Variants in XPR1 observed in about 807,000 individuals in gnomAD.
XPR1 encodes the protein xenotropic and polytropic retrovirus receptor 1, also known as solute carrier family 53 member 1.
A neutral mutation model predicts 87.5 loss-of-function variants in XPR1; 28 were observed. The ratio of observed to expected loss-of-function variants is 0.32; its 90% CI spans 0.24 to 0.44. The LOEUF (loss-of-function observed/expected upper bound fraction) is 0.44. XPR1 is among the 20% of genes least tolerant of loss of function. The probability of loss-of-function intolerance (pLI) is 1.00; values close to 1 mark genes in which losing one functional copy is unlikely to be tolerated. For synonymous variants in XPR1, 300 were observed against 306.1 expected (o/e 0.98, Z 0.21); for missense variants, 559 against 862.3 (o/e 0.65, Z 4.41).
At chr1:180,790,514 A>G (rs1288012131) in intron 3 of XPR1, among the ~76,000 whole-genome samples, 1 of 152,202 alleles carries the variant, frequency 6.6e-6, no homozygotes, top group Non-Finnish European at 1.5e-5. Flanking sequence ...ACCAGGATAC[A>G]GGCACCTAGA....
At chr1:180,734,749 G>T (rs1658671300) in intron 2 of XPR1, among the ~76,000 whole-genome samples, 1 of 152,176 alleles carries the variant, frequency 6.6e-6, no homozygotes, top group Non-Finnish European at 1.5e-5. Context: ...AAAGACTTTA[G>T]TAGGAAGAAC....
At chr1:180,734,134 G>GAATTTA (rs1401094971) in intron 2 of XPR1, among the ~76,000 whole-genome samples, 1 of 152,156 alleles carries the variant, frequency 6.6e-6, no homozygotes, top group African/African-American at 2.4e-5. Context: ...TATACTTACA[G>GAATTTA]GTTACTGAAT....
At chr1:180,723,077 ATCT>A (rs1658226102) in intron 2 of XPR1, among the ~76,000 whole-genome samples, 2 of 152,144 alleles carry the variant, frequency 1.3e-5, no homozygotes, top group Admixed American at 6.5e-5. Flanking sequence ...CCATTTTTGT[ATCT>A]TCTTACAGAG....
intron 11 of XPR1, among the ~76,000 whole-genome samples, chr1:180,847,415 G>A (rs1362121134): frequency 2.6e-5 from 4 of 152,254 alleles, no homozygotes; most frequent in East Asian, 3.9e-4. Flanking sequence ...TGAAAGGCAC[G>A]TTTTCACATT....
At chr1:180,803,689 T>C in intron 4 of XPR1, 78 bp downstream of exon 4, 2 of 1,259,600 alleles carry the variant, frequency 1.6e-6, no homozygotes, top group Non-Finnish European at 1.1e-6. Context: ...CCCTAAAGTA[T>C]TACCAGTGGG....
Position 180,889,743 on chromosome 1 carries a change from TAG to T in XPR1, c.*5678_*5679del, listed in dbSNP as rs1042233076. The stretch of plus-strand genomic sequence containing the variant: ...CAATGAAGAGTATTTAGGAGGGGAA[TAG>T]GGGGAAAATTGTATTTTTCTGTTCA... On this transcript the variant is annotated 3_prime_UTR_variant, in exon 15 of 15. Transcript: ENST00000367590. 1 of 152,192 alleles carries T rather than the reference TAG, an allele frequency of 6.6e-6. No homozygotes were observed. The highest frequency in any genetic ancestry group is 1.5e-5 in the Non-Finnish European group (1 of 68,022). 9.4% of individuals were successfully genotyped at this position (152,192 alleles called of 1,614,324 possible).
chr1:180,679,643 A>G (rs1428459254), intron 1 of XPR1, among the ~76,000 whole-genome samples: 1 of 152,212 alleles, frequency 6.6e-6, no homozygotes, highest in East Asian at 1.9e-4. Context: ...TTATTGAGAG[A>G]TTAAACTGCA....
chr1:180,758,635 G>A (rs1647857139), intron 2 of XPR1: 1 of 152,412 alleles, frequency 6.6e-6, no homozygotes, highest in Non-Finnish European at 1.5e-5. Context: ...CTGAACCCAG[G>A]AGGCGGAGGT....
intron 1 of XPR1, among the ~76,000 whole-genome samples, chr1:180,663,846 C>G (rs1243915181): frequency 2.6e-5 from 4 of 152,186 alleles, no homozygotes; most frequent in Non-Finnish European, 4.4e-5. Flanking sequence ...TGAGCAGGCG[C>G]TGAAACCATT....
At chr1:180,671,714 C>T (rs1656185416) in intron 1 of XPR1, among the ~76,000 whole-genome samples, 1 of 152,086 alleles carries the variant, frequency 6.6e-6, no homozygotes, top group Non-Finnish European at 1.5e-5. Context: ...AGGGTCTCAC[C>T]ATGTTGGCCA....
chr1:180,818,978 C>G (rs573885658), intron 7 of XPR1, among the ~76,000 whole-genome samples: 1 of 152,176 alleles, frequency 6.6e-6, no homozygotes, highest in South Asian at 2.1e-4. Context: ...GAGACAGGGT[C>G]TCTCTCTGTT....
chr1:180,797,535 T>C (rs531074265), intron 3 of XPR1, among the ~76,000 whole-genome samples: 2 of 152,340 alleles, frequency 1.3e-5, no homozygotes, highest in South Asian at 4.1e-4. Flanking sequence ...AATATGCATG[T>C]AATGAGAAGA....
chr1:180,810,244 C>T (rs1650159066), intron 6 of XPR1, among the ~76,000 whole-genome samples: 1 of 152,054 alleles, frequency 6.6e-6, no homozygotes, highest in Non-Finnish European at 1.5e-5. Flanking sequence ...ATATATCAGT[C>T]TCTTAAGAAC....
chr1:180,810,634 G>A (rs1216972740), intron 6 of XPR1, among the ~76,000 whole-genome samples: 2 of 151,788 alleles, frequency 1.3e-5, no homozygotes, highest in African/African-American at 2.4e-5. Context: ...CAGAAAGTAA[G>A]CGTTCTTGTC....
chr1:180,701,804 C>T (rs1657340049), intron 2 of XPR1, among the ~76,000 whole-genome samples: 2 of 141,728 alleles, frequency 1.4e-5, no homozygotes, highest in African/African-American at 5.8e-5. Flanking sequence ...ACTAGTTCCT[C>T]CTCGTATTTG....
chr1:180,667,558 T>C (rs1386965702), intron 1 of XPR1, among the ~76,000 whole-genome samples: 2 of 152,314 alleles, frequency 1.3e-5, no homozygotes, highest in South Asian at 2.1e-4. Context: ...TTGCCCATAG[T>C]TTTGTTTTCT....
At chr1:180,715,770 G>A (rs539607307) in intron 2 of XPR1, among the ~76,000 whole-genome samples, 16 of 151,398 alleles carry the variant, frequency 1.1e-4, no homozygotes, top group African/African-American at 2.7e-4. Flanking sequence ...TCTGCCTCCC[G>A]GAAGCGATTC....
chr1:180,726,189 G>C (rs146335771), intron 2 of XPR1, among the ~76,000 whole-genome samples: 3,687 of 152,236 alleles, frequency 0.024, 152 homozygotes, highest in African/African-American at 0.083. Context: ...CTAAAGGTTT[G>C]TAAATGCACC....
intron 2 of XPR1, among the ~76,000 whole-genome samples, chr1:180,727,247 A>G (rs957324097): frequency 9.2e-5 from 14 of 152,172 alleles, no homozygotes; most frequent in Non-Finnish European, 2.9e-5. Flanking sequence ...AAGCGGTTAT[A>G]TTGTAACTGT....
Sources: gnomAD v4.1 joint callset for allele counts (sites outside exome capture counted in the v4.1 genomes callset) on GRCh38, gnomAD v4.1.1 for gene constraint, MANE v1.5 for transcripts, NCBI Gene and HGNC (gene_info 2026-07-23, HGNC 2026-07-21) for gene names.